Variants in SF3A1 observed in about 807,000 individuals in gnomAD.
The protein encoded by SF3A1 is splicing factor 3a subunit 1.
Under a neutral mutation model 89.9 loss-of-function variants are expected in SF3A1, and 13 were observed. That is an observed-to-expected ratio of 0.14 (90% CI 0.09 to 0.23). The LOEUF is 0.23. Ranked by LOEUF, SF3A1 falls within the 10% of genes least tolerant of loss-of-function variation. The pLI is 1.00. For missense variants in SF3A1, 604 were observed against 1,022.1 expected (o/e 0.59, Z 5.58); for synonymous variants, 405 against 374.4 (o/e 1.08, Z -0.94).
At chr22:30,352,213 G>C (rs1931620064) in intron 2 of SF3A1, among the ~76,000 whole-genome samples, 1 of 152,104 alleles carries the variant, frequency 6.6e-6, no homozygotes, top group Middle Eastern at 3.2e-3. Flanking sequence ...ACTGTGGGGA[G>C]AGACAGGAGG....
At chr22:30,339,335 C>A in intron 9 of SF3A1, 84 bp from the exon 10 acceptor site, 1 of 1,552,394 alleles carries the variant, frequency 6.4e-7, no homozygotes, top group South Asian at 1.1e-5. Context: ...TTCTGGTGTG[C>A]AGGGAGGAGG....
chr22:30,345,520 G>A (rs1229326049), intron 3 of SF3A1, among the ~76,000 whole-genome samples: 1 of 152,140 alleles, frequency 6.6e-6, no homozygotes, highest in Non-Finnish European at 1.5e-5. Context: ...CATCCAAGAG[G>A]GATGGATGTG....
chr22:30,343,810 C>T (rs1005950647), intron 4 of SF3A1, among the ~76,000 whole-genome samples: 2 of 152,174 alleles, frequency 1.3e-5, no homozygotes, highest in African/African-American at 2.4e-5. Flanking sequence ...TTTTAGCTAC[C>T]ATACTAGCTT....
intron 2 of SF3A1, 112 bp downstream of exon 2, chr22:30,352,839 G>C: frequency 4.4e-6 from 6 of 1,357,538 alleles, no homozygotes; most frequent in East Asian, 4.7e-5. Context: ...GGTTTTTTAT[G>C]AACTAAAAGG....
intron 12 of SF3A1, 85 bp from the exon 13 acceptor site, chr22:30,337,265 G>GC: frequency 7.7e-7 from 1 of 1,302,326 alleles, no homozygotes; most frequent in Non-Finnish European, 1.1e-6. Flanking sequence ...AGGGAAGGTT[G>GC]CAAAGGTTTC....
chr22:30,348,595 C>T (rs1569174347), intron 2 of SF3A1, among the ~76,000 whole-genome samples: 1 of 152,130 alleles, frequency 6.6e-6, no homozygotes, highest in Non-Finnish European at 1.5e-5. Flanking sequence ...TGATCGACAC[C>T]CAGGCTGGCT....
chr22:30,340,767 C>G lies in SF3A1; in HGVS notation c.1117G>C (p.Glu373Gln). The change falls in exon 8 of 16, where the codon GAG becomes CAG. Residue 373 changes from glutamate to glutamine, a missense_variant. Physicochemically the swap from Glu to Gln is conservative, Grantham distance 29. Transcript: ENST00000215793. ...EEGQKVPPPP[E>Q]TPMPPPLPPT... ...GGCAGAGGTGGAGGCATGGGTGTCT[C>G]TGGGGGTGGGGGCACTTTCTGCCCT... The G allele has an allele frequency of 1.3e-6, 2 of 1,596,458 alleles. No individual in the cohort carries two copies. Among genetic ancestry groups the G allele is most frequent in the Non-Finnish European group, 1.7e-6 (2 of 1,172,714 alleles).
chr22:30,349,654 AT>A (rs1399103688), intron 2 of SF3A1, among the ~76,000 whole-genome samples: 4 of 144,532 alleles, frequency 2.8e-5, no homozygotes, highest in African/African-American at 7.7e-5. Context: ...ATGGTTTTGG[AT>A]TTTTTTCTTT....
chr22:30,345,191 C>CCAAG lies in SF3A1; in HGVS notation c.394-2_394-1insCTTG, dbSNP rs1472993687. On this transcript the variant is annotated splice_acceptor_variant, in intron 3 of 15. Transcript: ENST00000215793. LOFTEE classifies it high-confidence loss of function. ...TCTCTTGGATTACTTGGGCTTGGAC[C>CCAAG]TAAGATGCAAAGGGAGTATGAGGCG... 1 of 1,611,928 alleles carries CCAAG rather than the reference C, an allele frequency of 6.2e-7. No individual in the cohort carries two copies. The highest frequency in any genetic ancestry group is 8.5e-7 in the Non-Finnish European group (1 of 1,178,402).
chr22:30,355,684 T>C (rs1455416844), intron 1 of SF3A1, among the ~76,000 whole-genome samples: 1 of 152,150 alleles, frequency 6.6e-6, no homozygotes, highest in East Asian at 1.9e-4. Context: ...AGAGACACCG[T>C]TTGATTCACC....
intron 1 of SF3A1, among the ~76,000 whole-genome samples, chr22:30,355,682 C>A (rs994304890): frequency 6.6e-6 from 1 of 152,122 alleles, no homozygotes; most frequent in Admixed American, 6.5e-5. Context: ...TCAGAGACAC[C>A]GTTTGATTCA....
chr22:30,336,096 T>C (rs1931057165), intron 13 of SF3A1, among the ~76,000 whole-genome samples: 1 of 152,208 alleles, frequency 6.6e-6, no homozygotes, highest in Admixed American at 6.5e-5. Context: ...CTAACAAGGT[T>C]TGTCTGAGCC....
rs150827073 is a variant in SF3A1 at position 30,352,687 on chromosome 22, C to T, written c.185+264G>A. 2,712 of 337,186 alleles carry T rather than the reference C, an allele frequency of 8.0e-3. 19 individuals are homozygous for T. The highest frequency in any genetic ancestry group is 0.014 in the Middle Eastern group (16 of 1,154). 20.9% of individuals were successfully genotyped at this position (337,186 alleles called of 1,614,324 possible). ...ACACACACCATCTGTGATGAAGCAG[C>T]TTTCCAGGCATTTCCTCAGGCCAGT... On this transcript the variant is annotated intron_variant, in intron 2 of 15. Transcript: ENST00000215793.
chr22:30,341,846 G>A lies in SF3A1; in HGVS notation c.917C>T (p.Ala306Val). 1 of 1,613,754 alleles carries A rather than the reference G, an allele frequency of 6.2e-7. No homozygotes were observed. The highest frequency in any genetic ancestry group is 1.1e-5 in the South Asian group (1 of 91,070). Residue 306 changes from alanine to valine, a missense_variant, in exon 7 of 16, where the codon GCC (alanine) becomes GTC (valine). Transcript: ENST00000215793. Reference sequence around the variant, plus strand: ...ATAGCGCTCCTGAATGAGGATTCGGGCCCCCAGCTCCTCTGGCGTGGTGGG... The same window carrying A: ...ATAGCGCTCCTGAATGAGGATTCGGACCCCCAGCTCCTCTGGCGTGGTGGG... ...PPPTTPEELGARILIQERYEK... is the reference protein window; with the variant it reads ...PPPTTPEELGVRILIQERYEK...
intron 1 of SF3A1, among the ~76,000 whole-genome samples, chr22:30,353,934 G>C (rs531864106): frequency 6.6e-6 from 1 of 152,256 alleles, no homozygotes; most frequent in East Asian, 1.9e-4. Context: ...CCCAGCGATG[G>C]GCTTGGCATG....
Position 30,341,875 on chromosome 22 carries a change from A to T in SF3A1, c.888T>A (p.Pro296=). The change falls in exon 7 of 16, where the codon CCT becomes CCA. Residue 296 remains proline, a synonymous_variant. Transcript: ENST00000215793. ...CCAGCTCCTCTGGCGTGGTGGGGGGAGGGAAGTTCCCTAGAGGGTGAGCCA... is the reference window on the plus strand; with the variant it reads ...CCAGCTCCTCTGGCGTGGTGGGGGGTGGGAAGTTCCCTAGAGGGTGAGCCA... The part of the protein sequence containing the change: ...DFQPNEQGNF[P]PPTTPEELGA... 6.2e-7 allele frequency: 1 copy of T among 1,612,158 alleles called. No individual in the cohort carries two copies. Among genetic ancestry groups the T allele is most frequent in the Non-Finnish European group, 8.5e-7 (1 of 1,179,812 alleles).
In SF3A1 at chr22:30,338,458, C is replaced by CAAA. The variant is rs11442423; in HGVS notation, c.1743+328_1743+330dup. On this transcript the variant is annotated intron_variant, in intron 11 of 15. Transcript: ENST00000215793. ...GGGCGACAAGAGCAAAACTTCATCT[C>CAAA]AAAAAAAAAAAAAAAAGAGGCCGAG... 3.3e-5 allele frequency among the ~76,000 whole-genome samples: 4 copies of CAAA among 119,858 alleles called. No homozygotes were observed. The East Asian group carries it at 7.3e-4, about 22-fold the overall frequency. 78.6% of individuals were successfully genotyped at this position (119,858 alleles called of 152,430 possible). A position where few individuals can be genotyped will look rare whatever the true frequency, so the allele number is the denominator to read the frequency against.
At chr22:30,354,843 G>C (rs1340100848) in intron 1 of SF3A1, among the ~76,000 whole-genome samples, 1 of 152,160 alleles carries the variant, frequency 6.6e-6, no homozygotes, top group Non-Finnish European at 1.5e-5. Context: ...AAGATTGCTT[G>C]AGCCCAAGAA....
At position 30,356,716 on chromosome 22, in the gene SF3A1, C is replaced by A. The variant is rs28627777; in HGVS notation, c.63+14G>T. On this transcript the variant is annotated intron_variant, in intron 1 of 15. Coordinates refer to ENST00000215793, the MANE Select transcript of SF3A1 (RefSeq NM_005877.6). Reference sequence around the variant, plus strand: ...AACCCTCCGGCTGCAGGCTGAGGGGCGGGGGAGAGGTACCTGTTTGGGCTC... The same window carrying A: ...AACCCTCCGGCTGCAGGCTGAGGGGAGGGGGAGAGGTACCTGTTTGGGCTC... The A allele has an allele frequency of 6.8e-7, 1 of 1,479,958 alleles. No individual in the cohort carries two copies. The highest frequency in any genetic ancestry group is 9.0e-7 in the Non-Finnish European group (1 of 1,110,390). 91.7% of individuals were successfully genotyped at this position (1,479,958 alleles called of 1,614,324 possible). A position where few individuals can be genotyped will look rare whatever the true frequency, so the allele number is the denominator to read the frequency against.
Sources: gnomAD v4.1 joint callset for allele counts (sites outside exome capture counted in the v4.1 genomes callset) on GRCh38, gnomAD v4.1.1 for gene constraint, MANE v1.5 for transcripts, NCBI Gene and HGNC (gene_info 2026-07-23, HGNC 2026-07-21) for gene names.